The following ANXA8 variants were observed in gnomAD, a reference collection of about 807,000 sequenced individuals.
ANXA8 encodes annexin A8.
ANXA8 carries 9 observed loss-of-function variants against 26.8 expected under a neutral mutation model. The ratio of observed to expected loss-of-function variants is 0.34; its 90% confidence interval spans 0.20 to 0.59. ANXA8 has a LOEUF of 0.59. Among genes scored for constraint, ANXA8 ranks in the 20% least tolerant of loss-of-function variants. ANXA8 has a pLI of 0.84. For synonymous variants in ANXA8, 39 were observed against 94.8 expected (o/e 0.41, Z 3.42); for missense variants, 83 against 238.5 (o/e 0.35, Z 4.29).
At chr10:47,496,089 G>A in the ANXA8 span, 3 of 151,956 alleles carry the variant, frequency 2.0e-5, 1 homozygote, top group African/African-American at 7.3e-5. Flanking sequence ...TAGGTTCTGA[G>A]AGGCAGAGGG....
chr10:47,564,980 C>A, the ANXA8 span: 9 of 1,121,518 alleles, frequency 8.0e-6, no homozygotes, highest in Admixed American at 1.4e-4. Context: ...GTCCAGCTGC[C>A]AAGTCATCGT....
chr10:47,607,703 T>C, the ANXA8 span, among the ~76,000 whole-genome samples: 1 of 109,910 alleles, frequency 9.1e-6, no homozygotes, highest in African/African-American at 4.2e-5. Context: ...AACGTGGAAA[T>C]CATAAATAAG....
At chr10:47,737,062 G>A in the ANXA8 span, among the ~76,000 whole-genome samples, 1 of 148,724 alleles carries the variant, frequency 6.7e-6, no homozygotes, top group South Asian at 2.1e-4. Context: ...TTTTATGTGG[G>A]AGAAGCCTTT....
the ANXA8 span, among the ~76,000 whole-genome samples, chr10:47,932,680 C>A: frequency 8.6e-5 from 8 of 93,548 alleles, 1 homozygote; most frequent in African/African-American, 4.0e-4. Context: ...CCAGAAGAGA[C>A]CAAAGAGCAT....
chr10:47,485,511 C>T (rs1384775516), upstream of ANXA8, among the ~76,000 whole-genome samples: 1 of 151,956 alleles, frequency 6.6e-6, no homozygotes, highest in Non-Finnish European at 1.5e-5. Flanking sequence ...GGGCTGTTCA[C>T]AAACTGTGAG....
At chr10:47,643,499 A>C in the ANXA8 span, among the ~76,000 whole-genome samples, 1 of 148,414 alleles carries the variant, frequency 6.7e-6, no homozygotes. Context: ...ACTGCACTCG[A>C]AACTCGGTGA....
the ANXA8 span, among the ~76,000 whole-genome samples, chr10:47,603,299 T>C: frequency 2.7e-5 from 4 of 149,194 alleles, 1 homozygote; most frequent in African/African-American, 1.0e-4. Flanking sequence ...ATTACCAACA[T>C]ATTATAGAAA....
chr10:47,750,990 A>T, the ANXA8 span: 10 of 144,072 alleles, frequency 6.9e-5, no homozygotes, highest in African/African-American at 2.3e-4. Context: ...GGTGCAGAGT[A>T]AGTATTTGAG....
chr10:47,496,260 A>G, the ANXA8 span: 4 of 152,422 alleles, frequency 2.6e-5, no homozygotes, highest in East Asian at 1.9e-4. Flanking sequence ...GGAACGTCCG[A>G]CACACTGCCA....
the ANXA8 span, among the ~76,000 whole-genome samples, chr10:47,748,215 T>C: frequency 6.7e-6 from 1 of 148,444 alleles, no homozygotes; most frequent in African/African-American, 2.5e-5. Flanking sequence ...TTTTTTTTTA[T>C]TATTATTTTT....
chr10:47,554,156 G>A, the ANXA8 span, among the ~76,000 whole-genome samples: 3 of 53,746 alleles, frequency 5.6e-5, no homozygotes, highest in African/African-American at 1.1e-4. Context: ...TAAAAATAAA[G>A]CCAGCGTCGT....
At chr10:47,561,386 G>A in the ANXA8 span, among the ~76,000 whole-genome samples, 16 of 151,710 alleles carry the variant, frequency 1.1e-4, no homozygotes, top group Admixed American at 3.3e-4. Flanking sequence ...GATTACAAGC[G>A]TGAACTACCA....
the ANXA8 span, among the ~76,000 whole-genome samples, chr10:47,665,279 C>T: frequency 1.3e-5 from 2 of 149,196 alleles, no homozygotes; most frequent in South Asian, 2.1e-4. Context: ...ATTATTAAAA[C>T]TCAACTTCAT....
chr10:47,730,079 T>C, the ANXA8 span, among the ~76,000 whole-genome samples: 1 of 48,760 alleles, frequency 2.1e-5, no homozygotes, highest in Non-Finnish European at 4.1e-5. Flanking sequence ...CCCAGAGTGC[T>C]GGGATTACAG....
At chr10:47,658,835 T>TTTTATTTATTTATTA in the ANXA8 span, among the ~76,000 whole-genome samples, 3 of 137,762 alleles carry the variant, frequency 2.2e-5, no homozygotes, top group African/African-American at 3.1e-5. Context: ...GTGTTGAGGT[T>TTTTATTTATTTATTA]TTTATTTATT....
the ANXA8 span, among the ~76,000 whole-genome samples, chr10:47,942,612 C>T: frequency 7.0e-6 from 1 of 142,840 alleles, no homozygotes; most frequent in East Asian, 2.2e-4. Flanking sequence ...GAGACTGGAG[C>T]ACAGTTCAAT....
the ANXA8 span, among the ~76,000 whole-genome samples, chr10:47,653,059 C>A: frequency 2.0e-5 from 3 of 150,934 alleles, no homozygotes; most frequent in Non-Finnish European, 4.4e-5. Flanking sequence ...CGCCTATAAT[C>A]CCAGCACTTT....
At chr10:47,649,612 T>C in the ANXA8 span, among the ~76,000 whole-genome samples, 1 of 151,550 alleles carries the variant, frequency 6.6e-6, no homozygotes, top group Non-Finnish European at 1.5e-5. Flanking sequence ...TTTCACCATA[T>C]TGGCCAGGCT....
chr10:47,954,228 C>T, the ANXA8 span, among the ~76,000 whole-genome samples: 1 of 150,674 alleles, frequency 6.6e-6, no homozygotes, highest in Non-Finnish European at 1.5e-5. Flanking sequence ...GAATAAGATC[C>T]TGTCATTTAC....
Sources: allele counts gnomAD v4.1 joint callset (sites outside exome capture counted in the v4.1 genomes callset), GRCh38; gene constraint gnomAD v4.1.1; transcripts MANE v1.5; gene names NCBI Gene and HGNC (gene_info 2026-07-23, HGNC 2026-07-21).